The following KIF1C variants were observed in gnomAD, a reference collection of about 807,000 sequenced individuals.
KIF1C encodes the protein kinesin-like protein KIF1C.
A neutral mutation model predicts 126.5 loss-of-function variants in KIF1C; 61 were observed. The ratio of observed to expected loss-of-function variants is 0.48; its 90% confidence interval spans 0.39 to 0.60. The LOEUF (loss-of-function observed/expected upper bound fraction) is 0.60, where lower values mean the gene tolerates loss of function less well. Among genes scored for constraint, KIF1C ranks in the 20% least tolerant of loss-of-function variants. KIF1C has a pLI of 0.00. For synonymous variants in KIF1C, 640 were observed against 580.6 expected (o/e 1.10, Z -1.47); for missense variants, 1,315 against 1,489.2 (o/e 0.88, Z 1.93).
intron 7 of KIF1C, 44 bp from the exon 8 acceptor site, chr17:5,002,687 G>A: frequency 6.2e-7 from 1 of 1,612,576 alleles, no homozygotes. Flanking sequence ...CCAGGGTTGG[G>A]AAGGTGAGAG....
chr17:5,004,736 G>A lies in KIF1C; in HGVS notation c.1019+91G>A, dbSNP rs1014827537. ...TTGCTCAGGACCCTGCTCGTGAGAC[G>A]GGGGAGATGCCGGAGCCTTGCCACA... is the stretch of plus-strand genomic sequence containing the variant. On this transcript the variant is annotated intron_variant, in intron 12 of 22. Transcript: ENST00000320785. 11 of 1,579,682 alleles carry A rather than the reference G, an allele frequency of 7.0e-6. No individual in the cohort carries two copies. In the African/African-American group the frequency reaches 8.1e-5, roughly 12 times the overall value.
In KIF1C at chr17:5,020,005, C is replaced by G. The variant is rs1975054803; in HGVS notation, c.1676C>G (p.Thr559Ser). The change falls in exon 19 of 23, where the codon ACT (threonine) becomes AGT (serine). Residue 559 changes from threonine to serine, a missense_variant. Physicochemically the swap from Thr to Ser is moderately conservative, Grantham distance 58 (BLOSUM62 1). This residue lies in a region of KIF1C where 874 missense variants were observed against 1,053.2 expected (regional missense o/e 0.83). Coordinates refer to ENST00000320785, the MANE Select transcript of KIF1C (RefSeq NM_006612.6). The surrounding 1 kb of genome is among the most constrained non-coding windows in gnomAD (Gnocchi z 5.8). ...CTGCCCCTCCATTCAGTGGTGGTCA[C>G]TCTGGAGCCTTGTGAAGGAGCTGAG... ...IPQPDGEVVV[T>S]LEPCEGAETY... 8.1e-6 allele frequency: 13 copies of G among 1,603,974 alleles called. No individual in the cohort carries two copies. Among genetic ancestry groups the G allele is most frequent in the Non-Finnish European group, 1.1e-5 (13 of 1,175,136 alleles).
chr17:5,016,017 AC>A (rs1974964158), intron 18 of KIF1C, among the ~76,000 whole-genome samples: 1 of 152,092 alleles, frequency 6.6e-6, no homozygotes, highest in Non-Finnish European at 1.5e-5. Context: ...GGGAGGAAGG[AC>A]GTGGTACACA....
intron 4 of KIF1C, 152 bp from the exon 5 acceptor site, chr17:5,001,070 C>G: frequency 1.1e-6 from 1 of 926,560 alleles, no homozygotes; most frequent in Non-Finnish European, 1.7e-6. Flanking sequence ...TGGATAGGAT[C>G]CTTGGGGTGG....
intron 16 of KIF1C, among the ~76,000 whole-genome samples, chr17:5,011,126 A>G (rs1202217034): frequency 1.3e-5 from 2 of 152,014 alleles, no homozygotes; most frequent in African/African-American, 2.4e-5. Context: ...TCACTTTTAC[A>G]TTTTTCTCAA....
chr17:5,006,483 C>A (rs566024070), intron 13 of KIF1C, among the ~76,000 whole-genome samples: 1 of 151,560 alleles, frequency 6.6e-6, no homozygotes. Flanking sequence ...ATTACAGGTG[C>A]CTGCCACCAC....
intron 3 of KIF1C, 118 bp downstream of exon 3, chr17:5,000,470 A>G (rs769561792): frequency 2.9e-5 from 22 of 751,648 alleles, no homozygotes; most frequent in Non-Finnish European, 4.9e-5. Flanking sequence ...AGCAGGTGCT[A>G]GTCGTAAGGG....
chr17:5,006,919 G>C lies in KIF1C; in HGVS notation c.1170G>C (p.Leu390=). 1.9e-6 allele frequency: 3 copies of C among 1,610,568 alleles called. No individual in the cohort carries two copies. Among genetic ancestry groups the C allele is most frequent in the Non-Finnish European group, 2.5e-6 (3 of 1,179,108 alleles). The change falls in exon 14 of 23, where the codon CTG becomes CTC. Residue 390 remains leucine, a synonymous_variant. Transcript: ENST00000320785. ...TTTCCTCTTTCTCCCTCCCAGGCCT[G>C]AAGACGGAAGAAGGGAGTGTCAGAG... The part of the protein sequence containing the change: ...QGLSASALEG[L]KTEEGSVRGA...
rs1975216743 is a variant in KIF1C at position 5,026,862 on chromosome 17, A to C, written c.*2711A>C. The C allele has an allele frequency of 6.6e-6, 1 of 151,576 alleles. No homozygotes were observed. Among genetic ancestry groups the C allele is most frequent in the African/African-American group, 2.4e-5 (1 of 41,238 alleles). 9.4% of individuals were successfully genotyped at this position (151,576 alleles called of 1,614,324 possible). On this transcript the variant is annotated 3_prime_UTR_variant, in exon 23 of 23. Transcript: ENST00000320785. Reference sequence around the variant, plus strand: ...CAACACTTTGGAATATTAGGGTGGGAGCATCACTTGAGGCCAGGAATTTGA... The same window carrying C: ...CAACACTTTGGAATATTAGGGTGGGCGCATCACTTGAGGCCAGGAATTTGA...
chr17:5,002,384 G>A (rs910812670), intron 6 of KIF1C, 80 bp from the exon 7 acceptor site: 11 of 1,330,670 alleles, frequency 8.3e-6, no homozygotes, highest in African/African-American at 4.4e-5. Context: ...CACCTGGATC[G>A]TGTCCAGTGG....
intron 16 of KIF1C, chr17:5,011,596 G>A (rs1049033950): frequency 1.3e-5 from 2 of 152,300 alleles, no homozygotes; most frequent in Non-Finnish European, 2.9e-5. Context: ...GAGCCCATCA[G>A]CGTTTGCCAG....
At position 5,020,906 on chromosome 17, in the gene KIF1C, G is replaced by A; in HGVS notation, c.2010+28G>A. 2 of 1,555,102 alleles carry A rather than the reference G, an allele frequency of 1.3e-6. No homozygotes were observed. Among genetic ancestry groups the A allele is most frequent in the South Asian group, 1.2e-5 (1 of 84,736 alleles). ...GAGGGGCAGCAGGGGCTGGGGATGG[G>A]CTGATGGGCAGATGAGCCGCAAGCC... is the stretch of plus-strand genomic sequence containing the variant. On this transcript the variant is annotated intron_variant, in intron 21 of 22. Transcript: ENST00000320785. The surrounding 1 kb of genome is among the most constrained non-coding windows in gnomAD (Gnocchi z 5.8).
At chr17:5,001,990 C>T in intron 5 of KIF1C, 69 bp from the exon 6 acceptor site, 5 of 1,421,750 alleles carry the variant, frequency 3.5e-6, no homozygotes, top group Non-Finnish European at 5.0e-6. Context: ...CTGGGCCTGG[C>T]CTGTGGCTGG....
At chr17:5,013,202 A>G (rs1000167974) in intron 16 of KIF1C, among the ~76,000 whole-genome samples, 1 of 152,144 alleles carries the variant, frequency 6.6e-6, no homozygotes, top group Admixed American at 6.5e-5. Flanking sequence ...GTCTCCCCCA[A>G]CTCTCCAGAA....
chr17:5,013,495 CGAT>C (rs1974909434), intron 16 of KIF1C, among the ~76,000 whole-genome samples, 155 bp from the exon 17 acceptor site: 2 of 152,114 alleles, frequency 1.3e-5, no homozygotes, highest in South Asian at 2.1e-4. Context: ...GGAGGGATGA[CGAT>C]GGGAGGAGTA....
At chr17:5,004,096 C>T (rs1348762185) in intron 11 of KIF1C, 23 bp downstream of exon 11, 6 of 1,517,788 alleles carry the variant, frequency 4.0e-6, no homozygotes, top group Non-Finnish European at 5.5e-6. Flanking sequence ...TCCTCTTTCT[C>T]TGCCGACCCT....
intron 17 of KIF1C, 71 bp downstream of exon 17, chr17:5,013,803 T>C (rs1410278738): frequency 1.3e-5 from 15 of 1,189,736 alleles, no homozygotes; most frequent in Non-Finnish European, 1.9e-5. Context: ...TTGTCCACAT[T>C]GGTGTCTCCC....
At chr17:5,010,822 C>T (rs438955) in intron 16 of KIF1C, among the ~76,000 whole-genome samples, 59,104 of 151,012 alleles carry the variant, frequency 0.39, 13,764 homozygotes, top group African/African-American at 0.66. Context: ...ATTTATTTTA[C>T]TTTTTTGAGA....
In KIF1C at chr17:5,000,269, T is replaced by G; in HGVS notation, c.23T>G (p.Val8Gly). The G allele has an allele frequency of 6.3e-7, 1 of 1,579,518 alleles. No individual in the cohort carries two copies. Among genetic ancestry groups the G allele is most frequent in the Non-Finnish European group, 8.6e-7 (1 of 1,163,978 alleles). MAGASVK[V>G]AVRVRPFNAR... ...GCTATGGCTGGTGCCTCGGTGAAAGTGGCAGTGAGGGTTCGGCCCTTTAAC... is the reference window on the plus strand; with the variant it reads ...GCTATGGCTGGTGCCTCGGTGAAAGGGGCAGTGAGGGTTCGGCCCTTTAAC... The change falls in exon 3 of 23, where the codon GTG (valine) becomes GGG (glycine). Residue 8 changes from valine to glycine, a missense_variant. Physicochemically the swap from Val to Gly is moderately radical, Grantham distance 109. Around this residue, in one of 2 missense-constraint regions of KIF1C, gnomAD observed 874 missense variants for 1,053.2 expected, o/e 0.83. Transcript: ENST00000320785.
Sources: gnomAD v4.1 joint callset for allele counts (sites outside exome capture counted in the v4.1 genomes callset) on GRCh38, gnomAD v4.1.1 for gene constraint, gnomAD v4.1.1 regional missense constraint, Gnocchi (gnomAD v3.1) non-coding constraint, MANE v1.5 for transcripts, NCBI Gene and HGNC (gene_info 2026-07-23, HGNC 2026-07-21) for gene names.